The following PCDH15 variants were observed in gnomAD, a reference collection of about 807,000 sequenced individuals.
PCDH15 encodes protocadherin related 15.
Under a neutral mutation model 178.5 loss-of-function variants are expected in PCDH15, and 129 were observed. The observed-to-expected ratio is 0.72, with a 90% confidence interval of 0.63 to 0.84. The LOEUF (loss-of-function observed/expected upper bound fraction) is 0.84, where lower values mean the gene tolerates loss of function less well. PCDH15 is among the 40% of genes least tolerant of loss of function. The pLI is 0.00. For synonymous variants in PCDH15, 800 were observed against 732.0 expected (o/e 1.09, Z -1.50); for missense variants, 2,230 against 2,099.9 (o/e 1.06, Z -1.21).
At chr10:54,957,897 T>C (rs1026330039) in intron 2 of PCDH15, among the ~76,000 whole-genome samples, 4 of 151,696 alleles carry the variant, frequency 2.6e-5, no homozygotes, top group Non-Finnish European at 5.9e-5. Context: ...CTTCTCCCTG[T>C]TTGCCTAAAA....
At chr10:54,307,840 T>C (rs2060649305) in intron 8 of PCDH15, among the ~76,000 whole-genome samples, 1 of 152,056 alleles carries the variant, frequency 6.6e-6, no homozygotes, top group South Asian at 2.1e-4. Flanking sequence ...AATTAATAAC[T>C]AATTTGAATT....
intron 25 of PCDH15, among the ~76,000 whole-genome samples, chr10:53,925,781 G>GT (rs971210509): frequency 1.3e-5 from 2 of 152,074 alleles, no homozygotes; most frequent in South Asian, 2.1e-4. Flanking sequence ...TGCAAATTAA[G>GT]TTTTTTTCTT....
intron 21 of PCDH15, among the ~76,000 whole-genome samples, chr10:53,972,184 G>A (rs979394127): frequency 1.3e-5 from 2 of 152,082 alleles, no homozygotes; most frequent in African/African-American, 2.4e-5. Flanking sequence ...ACAAGAAAAA[G>A]GGAAAGCATT....
intron 9 of PCDH15, among the ~76,000 whole-genome samples, chr10:54,215,802 G>A (rs1418374504): frequency 6.6e-6 from 1 of 152,038 alleles, no homozygotes; most frequent in African/African-American, 2.4e-5. Flanking sequence ...GGCACTTTGG[G>A]AGGCCGAGAC....
intron 1 of PCDH15, among the ~76,000 whole-genome samples, chr10:54,713,214 CACACACACACAT>C (rs1177698639): frequency 1.1e-4 from 14 of 125,118 alleles, no homozygotes; most frequent in South Asian, 2.4e-4. Context: ...TTAAAACACA[CACACACACACAT>C]ACACACACAC....
chr10:54,230,645 G>C (rs1035596579), intron 9 of PCDH15, among the ~76,000 whole-genome samples: 1 of 151,972 alleles, frequency 6.6e-6, no homozygotes, highest in Non-Finnish European at 1.5e-5. Flanking sequence ...AGTTAATGAA[G>C]GTTGATAAAA....
intron 8 of PCDH15, 109 bp downstream of exon 8, chr10:54,317,162 A>G (rs1477981260): frequency 8.7e-7 from 1 of 1,146,494 alleles, no homozygotes; most frequent in South Asian, 1.3e-5. Context: ...TTCAATGTGC[A>G]TATACTGAGT....
chr10:54,257,037 T>G (rs2056945345), intron 8 of PCDH15, among the ~76,000 whole-genome samples: 1 of 147,702 alleles, frequency 6.8e-6, no homozygotes, highest in Non-Finnish European at 1.5e-5. Flanking sequence ...TCATTCTCTC[T>G]CTCTCGATAG....
At chr10:55,236,227 C>A (rs948462913) in intron 1 of PCDH15, among the ~76,000 whole-genome samples, 6 of 151,770 alleles carry the variant, frequency 4.0e-5, no homozygotes, top group Admixed American at 6.6e-5. Flanking sequence ...TAAATGGTAA[C>A]CATGAGTATT....
At chr10:55,553,678 AT>A (rs963524229) in intron 2 of PCDH15, among the ~76,000 whole-genome samples, 27 of 151,930 alleles carry the variant, frequency 1.8e-4, no homozygotes, top group African/African-American at 5.5e-4. Flanking sequence ...TGTATCTTAA[AT>A]TTTTTTGTCT....
At chr10:55,603,144 G>C (rs1843126704) in intron 2 of PCDH15, among the ~76,000 whole-genome samples, 1 of 152,122 alleles carries the variant, frequency 6.6e-6, no homozygotes, top group Non-Finnish European at 1.5e-5. Context: ...ATCAGCAATG[G>C]AAGATGAAAT....
chr10:55,293,314 C>T (rs1048486514), intron 1 of PCDH15, among the ~76,000 whole-genome samples: 1 of 152,172 alleles, frequency 6.6e-6, no homozygotes, highest in Non-Finnish European at 1.5e-5. Context: ...CCATTTTGTC[C>T]TCTTAGGCCT....
At chr10:54,728,679 A>C (rs1942924298) in intron 1 of PCDH15, among the ~76,000 whole-genome samples, 2 of 151,252 alleles carry the variant, frequency 1.3e-5, no homozygotes, top group South Asian at 4.2e-4. Context: ...TGCCTAGAAA[A>C]CCCCATAGTC....
intron 2 of PCDH15, among the ~76,000 whole-genome samples, chr10:54,598,503 C>G (rs1447205072): frequency 6.6e-6 from 1 of 151,972 alleles, no homozygotes; most frequent in Non-Finnish European, 1.5e-5. Context: ...TATTGCAAAC[C>G]CACAGCCAAC....
At chr10:54,203,998 A>G (rs1402295451) in intron 10 of PCDH15, among the ~76,000 whole-genome samples, 1 of 152,188 alleles carries the variant, frequency 6.6e-6, no homozygotes, top group Non-Finnish European at 1.5e-5. Context: ...AACATTTTAA[A>G]AATCACTTTA....
At chr10:55,081,236 T>C (rs1317655286) in intron 2 of PCDH15, among the ~76,000 whole-genome samples, 5 of 152,178 alleles carry the variant, frequency 3.3e-5, no homozygotes, top group Admixed American at 6.5e-5. Context: ...TGTTCTCTTT[T>C]AGATGTTCTA....
chr10:53,942,446 T>C (rs1176761010), intron 23 of PCDH15, among the ~76,000 whole-genome samples: 1 of 152,238 alleles, frequency 6.6e-6, no homozygotes, highest in Admixed American at 6.5e-5. Context: ...CATTTTATCC[T>C]TTGCTCAGTG....
intron 5 of PCDH15, among the ~76,000 whole-genome samples, chr10:54,356,534 CTT>C (rs1565064151): frequency 1.3e-5 from 2 of 151,222 alleles, no homozygotes; most frequent in African/African-American, 4.9e-5. Context: ...TATATATACA[CTT>C]AATGTATGAC....
chr10:55,023,414 T>G (rs926893509), intron 2 of PCDH15, among the ~76,000 whole-genome samples: 1 of 152,180 alleles, frequency 6.6e-6, no homozygotes. Flanking sequence ...ATATTTAATT[T>G]TAACACACAA....
Sources: gnomAD v4.1 joint callset for allele counts (sites outside exome capture counted in the v4.1 genomes callset) on GRCh38, gnomAD v4.1.1 for gene constraint, MANE v1.5 for transcripts, NCBI Gene and HGNC (gene_info 2026-07-23, HGNC 2026-07-21) for gene names.